The following PTMS variants were observed in gnomAD, a reference collection of about 807,000 sequenced individuals.
PTMS encodes the protein parathymosin.
A neutral mutation model predicts 18.4 loss-of-function variants in PTMS; 5 were observed. That is an observed-to-expected ratio of 0.27 (90% CI 0.14 to 0.57). The LOEUF (loss-of-function observed/expected upper bound fraction) is 0.57. Ranked by LOEUF, PTMS falls within the 20% of genes least tolerant of loss-of-function variation. The probability of loss-of-function intolerance (pLI) is 0.92; values close to 1 mark genes in which losing one functional copy is unlikely to be tolerated. For synonymous variants in PTMS, 53 were observed against 47.7 expected (o/e 1.11, Z -0.46); for missense variants, 93 against 124.6 (o/e 0.75, Z 1.21).
In PTMS at chr12:6,770,551, C is replaced by G. The variant is rs535259353; in HGVS notation, c.*109C>G. The G allele has an allele frequency of 7.9e-7, 1 of 1,273,250 alleles. No homozygotes were observed. Among genetic ancestry groups the G allele is most frequent in the South Asian group, 1.2e-5 (1 of 82,482 alleles). The allele number at this position is 1,273,250 out of a possible 1,614,324, so 78.9% of individuals were successfully genotyped here. A position where few individuals can be genotyped will look rare whatever the true frequency, so the allele number is the denominator to read the frequency against. Reference sequence around the variant, plus strand: ...CTGGCTCCCTGCTCTGGGCCCTGCACCAGAGCTGCCACCCTCTTCTTTCTC... The same window carrying G: ...CTGGCTCCCTGCTCTGGGCCCTGCAGCAGAGCTGCCACCCTCTTCTTTCTC... On this transcript the variant is annotated 3_prime_UTR_variant, in exon 5 of 5. Coordinates refer to ENST00000309083, the MANE Select transcript of PTMS (RefSeq NM_002824.6). The surrounding 1 kb of genome is among the most constrained non-coding windows in gnomAD (Gnocchi z 7.3).
chr12:6,767,598 CGGGGGG>C (rs56074647), intron 1 of PTMS: 1 of 11,008 alleles, frequency 9.1e-5, no homozygotes, highest in Non-Finnish European at 1.8e-4. Context: ...ATGTGTATGG[CGGGGGG>C]GGGGGGCGCG....
chr12:6,769,838 A>T, intron 2 of PTMS, 83 bp from the exon 3 acceptor site: 1 of 1,607,832 alleles, frequency 6.2e-7, no homozygotes, highest in Non-Finnish European at 8.5e-7. Flanking sequence ...CCCTTTTATC[A>T]CCCAGGCTCC....
rs1443367621 is a variant in PTMS at position 6,769,676 on chromosome 12, TGTGGAGGG to T, written c.117+7_117+14del. On this transcript the variant is annotated splice_donor_5th_base_variant and intron_variant, in intron 2 of 4. Coordinates refer to ENST00000309083, the MANE Select transcript of PTMS (RefSeq NM_002824.6). The stretch of plus-strand genomic sequence containing the variant: ...GAGCGAAAGAAAGAAGTGGTGGAGG[TGTGGAGGG>T]GTGGGGGAGAGGACCACATCTGCCC... 1 of 1,612,892 alleles carries T rather than the reference TGTGGAGGG, an allele frequency of 6.2e-7. No homozygotes were observed. The highest frequency in any genetic ancestry group is 8.5e-7 in the Non-Finnish European group (1 of 1,179,646).
chr12:6,770,636 G>T lies in PTMS; in HGVS notation c.*194G>T. ...CGCCCTCCACCCTCACTCTGCCATT[G>T]TTCCACCTCCTGACCTGCTCCATCT... On this transcript the variant is annotated 3_prime_UTR_variant, in exon 5 of 5. Coordinates refer to ENST00000309083, the MANE Select transcript of PTMS (RefSeq NM_002824.6). This position sits in a 1 kb window ranked among gnomAD's most constrained non-coding sequence, Gnocchi z 7.3. 1.5e-6 allele frequency: 1 copy of T among 659,418 alleles called. No individual in the cohort carries two copies. The highest frequency in any genetic ancestry group is 2.6e-6 in the Non-Finnish European group (1 of 380,394). The allele number at this position is 659,418 out of a possible 1,614,324, so 40.8% of individuals were successfully genotyped here. A position where few individuals can be genotyped will look rare whatever the true frequency, so the allele number is the denominator to read the frequency against.
chr12:6,766,995 T>G (rs1882550), intron 1 of PTMS: 80,407 of 162,248 alleles, frequency 0.5, 21,871 homozygotes, highest in African/African-American at 0.75. Context: ...GGTCGCGCCG[T>G]CCCCCGCAGC....
intron 1 of PTMS, among the ~76,000 whole-genome samples, chr12:6,768,787 T>A (rs1941802520): frequency 6.6e-6 from 1 of 152,084 alleles, no homozygotes; most frequent in Non-Finnish European, 1.5e-5. Context: ...TGGGAGGGTC[T>A]CCTAGACTGG....
intron 1 of PTMS, chr12:6,767,604 G>T (rs909943146): frequency 7.2e-6 from 1 of 138,662 alleles, no homozygotes. Flanking sequence ...ATGGCGGGGG[G>T]GGGGGGCGCG....
Position 6,769,988 on chromosome 12 carries a change from G to C in PTMS, c.185G>C (p.Gly62Ala). ...TAEDGEEEDE[G>A]EEEDEEEEEE... is the part of the protein sequence containing the mutation. Reference sequence around the variant, plus strand: ...GAGGATGGAGAGGAGGAAGATGAAGGGGAAGAAGAAGGTGGGGAGGGGCAG... The same window carrying C: ...GAGGATGGAGAGGAGGAAGATGAAGCGGAAGAAGAAGGTGGGGAGGGGCAG... Residue 62 changes from glycine (G) to alanine (A), a missense_variant, in exon 3 of 5, where the codon GGG becomes GCG. By Grantham distance (60) the Gly-to-Ala change is moderately conservative. Coordinates refer to ENST00000309083, the MANE Select transcript of PTMS (RefSeq NM_002824.6). The C allele has an allele frequency of 6.4e-7, 1 of 1,555,642 alleles. No homozygotes were observed. Among genetic ancestry groups the C allele is most frequent in the South Asian group, 1.2e-5 (1 of 84,678 alleles).
Position 6,770,271 on chromosome 12 carries a change from G to A in PTMS, c.258+53G>A. 1 of 1,612,116 alleles carries A rather than the reference G, an allele frequency of 6.2e-7. No individual in the cohort carries two copies. Among genetic ancestry groups the A allele is most frequent in the Non-Finnish European group, 8.5e-7 (1 of 1,178,204 alleles). ...GGCTGTCAGGGATGCAGCCGGGCTG[G>A]GCGCCCTTTGGATTTGGACCCAGAT... On this transcript the variant is annotated intron_variant, in intron 4 of 4. Transcript: ENST00000309083. The surrounding 1 kb of genome is among the most constrained non-coding windows in gnomAD (Gnocchi z 7.3).
At position 6,770,209 on chromosome 12, in the gene PTMS, C is replaced by G. The variant is rs759320133; in HGVS notation, c.249C>G (p.Ala83=). 6.8e-6 allele frequency: 11 copies of G among 1,613,936 alleles called. No homozygotes were observed. Among genetic ancestry groups the G allele is most frequent in the South Asian group, 1.1e-5 (1 of 91,072 alleles). ...DDEGPALKRA[A]EEEDEADPKR... is the part of the protein sequence containing the mutation. ...AAGGGCCCGCGCTGAAGAGAGCTGC[C>G]GAAGAGGAGGTTTGGGCTGGGTTGC... The change falls in exon 4 of 5, where the codon GCC becomes GCG. Residue 83 remains alanine, a synonymous_variant. Transcript: ENST00000309083. This position sits in a 1 kb window ranked among gnomAD's most constrained non-coding sequence, Gnocchi z 7.3.
At chr12:6,769,533 C>T (rs1941810739) in intron 1 of PTMS, 70 bp from the exon 2 acceptor site, 1 of 1,516,900 alleles carries the variant, frequency 6.6e-7, no homozygotes, top group Admixed American at 1.7e-5. Context: ...AGAGGGAGAA[C>T]TGGGGCTGCA....
chr12:6,770,475 C>T lies in PTMS; in HGVS notation c.*33C>T, dbSNP rs771891197. On this transcript the variant is annotated 3_prime_UTR_variant, in exon 5 of 5. Transcript: ENST00000309083. This position sits in a 1 kb window ranked among gnomAD's most constrained non-coding sequence, Gnocchi z 7.3. ...CCAACAGGCTGGGGTTGGGAGGCCT[C>T]TCTGGGCCTGGAGGTGGGGGTGGGG... The T allele has an allele frequency of 6.2e-7, 1 of 1,606,004 alleles. No homozygotes were observed. Among genetic ancestry groups the T allele is most frequent in the East Asian group, 2.2e-5 (1 of 44,776 alleles).
chr12:6,767,588 A>G (rs1360035370), intron 1 of PTMS: 4 of 45,060 alleles, frequency 8.9e-5, no homozygotes, highest in Middle Eastern at 8.5e-3. Context: ...TTGTGTGTGT[A>G]TGTGTATGGC....
At chr12:6,769,848 C>T (rs1337146064) in intron 2 of PTMS, 73 bp from the exon 3 acceptor site, 2 of 1,606,232 alleles carry the variant, frequency 1.2e-6, no homozygotes, top group Non-Finnish European at 1.7e-6. Flanking sequence ...ACCCAGGCTC[C>T]AGTCCCATTG....
intron 1 of PTMS, 70 bp downstream of exon 1, chr12:6,766,820 G>A: frequency 2.0e-6 from 2 of 1,003,628 alleles, no homozygotes; most frequent in Non-Finnish European, 2.4e-6. Context: ...TTCGCCCCAG[G>A]CCGCCCCCGA....
In PTMS at chr12:6,770,421, A is replaced by C; in HGVS notation, c.288A>C (p.Thr96=). The C allele has an allele frequency of 1.9e-6, 3 of 1,612,846 alleles. No individual in the cohort carries two copies. The highest frequency in any genetic ancestry group is 2.5e-6 in the Non-Finnish European group (3 of 1,179,744). Residue 96 remains threonine (T), a synonymous_variant, in exon 5 of 5, where the codon ACA becomes ACC. Coordinates refer to ENST00000309083, the MANE Select transcript of PTMS (RefSeq NM_002824.6). The surrounding 1 kb of genome is among the most constrained non-coding windows in gnomAD (Gnocchi z 7.3). Reference sequence around the variant, plus strand: ...AAGCGGATCCCAAACGGCAGAAGACAGAAAATGGGGCATCGGCGTGAGCCC... The same window carrying C: ...AAGCGGATCCCAAACGGCAGAAGACCGAAAATGGGGCATCGGCGTGAGCCC... ...EDEADPKRQK[T]ENGASA
In PTMS at chr12:6,766,585, TCGCCGCCGC is replaced by T. The variant is rs765644791; in HGVS notation, c.-113_-105del. 6.5e-6 allele frequency: 3 copies of T among 464,216 alleles called. No individual in the cohort carries two copies. The highest frequency in any genetic ancestry group is 9.2e-6 in the Non-Finnish European group (3 of 327,824). 28.8% of individuals were successfully genotyped at this position (464,216 alleles called of 1,614,324 possible). On this transcript the variant is annotated 5_prime_UTR_variant, in exon 1 of 5. Transcript: ENST00000309083. ...TGCCGAGCGGCCGCCGCTGCCGCTGTCGCCGCCGCCGCCGCCACCGCGCCAGGTTCCGGC... is the reference window on the plus strand; with the variant it reads ...TGCCGAGCGGCCGCCGCTGCCGCTGTCGCCGCCACCGCGCCAGGTTCCGGC...
chr12:6,767,521 C>T, intron 1 of PTMS: 1 of 143,794 alleles, frequency 7.0e-6, no homozygotes, highest in Non-Finnish European at 1.5e-5. Context: ...AGGGAACCTG[C>T]GGAGTGTCGC....
chr12:6,766,748 A>G lies in PTMS; in HGVS notation c.43A>G (p.Lys15Glu). 9.2e-7 allele frequency: 1 copy of G among 1,084,144 alleles called. No homozygotes were observed. The allele number at this position is 1,084,144 out of a possible 1,614,324, so 67.2% of individuals were successfully genotyped here. The change falls in exon 1 of 5, where the codon AAG becomes GAG. Residue 15 changes from lysine (K) to glutamate (E), a missense_variant and splice_region_variant. Physicochemically the swap from Lys to Glu is moderately conservative, Grantham distance 56 (BLOSUM62 1). Coordinates refer to ENST00000309083, the MANE Select transcript of PTMS (RefSeq NM_002824.6). ...SVEAAAELSA[K>E]DLKEKKEKVE... The stretch of plus-strand genomic sequence containing the variant: ...GGAGGCAGCGGCCGAGTTGAGCGCC[A>G]AGGTACGGGCGGGGGCGGCGGCGGC...
Sources: allele counts gnomAD v4.1 joint callset (sites outside exome capture counted in the v4.1 genomes callset), GRCh38; gene constraint gnomAD v4.1.1; non-coding constraint Gnocchi (gnomAD v3.1); transcripts MANE v1.5; gene names NCBI Gene and HGNC (gene_info 2026-07-23, HGNC 2026-07-21).